PRR16: variants seen among roughly 807,000 people sequenced by gnomAD.
The protein encoded by PRR16 is protein Largen.
PRR16 carries 6 observed loss-of-function variants against 18.2 expected under a neutral mutation model. The ratio of observed to expected loss-of-function variants is 0.33; its 90% CI spans 0.18 to 0.65. PRR16 has a LOEUF of 0.65. Among genes scored for constraint, PRR16 ranks in the 30% least tolerant of loss-of-function variants. The probability of loss-of-function intolerance (pLI) is 0.74; values close to 1 mark genes in which losing one functional copy is unlikely to be tolerated. For synonymous variants in PRR16, 151 were observed against 147.8 expected, an observed-to-expected ratio of 1.02 and a Z score of -0.16; for missense variants, 412 against 376.6, an observed-to-expected ratio of 1.09 and a Z score of -0.78.
chr5:120,600,668 T>A (rs973321349), intron 1 of PRR16, among the ~76,000 whole-genome samples: 2 of 151,948 alleles, frequency 1.3e-5, no homozygotes, highest in African/African-American at 4.8e-5. Context: ...AATTATTTCA[T>A]CACCCGGATA....
intron 1 of PRR16, among the ~76,000 whole-genome samples, chr5:120,607,743 G>T (rs185085444): frequency 6.6e-6 from 1 of 152,168 alleles, no homozygotes; most frequent in Admixed American, 6.5e-5. Flanking sequence ...TGTGGTGGTG[G>T]TGCTTTTGTT....
chr5:120,707,318 A>G, the PRR16 span, among the ~76,000 whole-genome samples: 5 of 152,164 alleles, frequency 3.3e-5, no homozygotes, highest in South Asian at 2.1e-4. Flanking sequence ...AATATGTTCC[A>G]TAGCTTGTGA....
At chr5:120,634,232 A>G (rs1755153405) in intron 1 of PRR16, among the ~76,000 whole-genome samples, 4 of 152,232 alleles carry the variant, frequency 2.6e-5, no homozygotes, top group Admixed American at 2.6e-4. Context: ...GAACTGAACG[A>G]TAATAGTGAC....
chr5:120,703,846 C>T, the PRR16 span, among the ~76,000 whole-genome samples: 1 of 152,150 alleles, frequency 6.6e-6, no homozygotes, highest in African/African-American at 2.4e-5. Flanking sequence ...GAAAGTTATT[C>T]TGGATTTCTT....
chr5:120,662,579 G>C (rs2150139356), intron 1 of PRR16, among the ~76,000 whole-genome samples: 1 of 152,130 alleles, frequency 6.6e-6, no homozygotes, highest in South Asian at 2.1e-4. Context: ...TTTGCACTAT[G>C]TATTCCTTTC....
Position 120,581,508 on chromosome 5 carries a change from A to T in PRR16, c.160-104446A>T, listed in dbSNP as rs527919014. 9.2e-5 allele frequency among the ~76,000 whole-genome samples: 14 copies of T among 151,514 alleles called. No homozygotes were observed. In the Middle Eastern group the frequency reaches 0.01, roughly 110 times the overall value. On this transcript the variant is annotated intron_variant, in intron 1 of 1. Transcript: ENST00000407149. ...TGATTTTTTGGAGGTTTTTCCGTGA[A>T]TCTATCTCCTTCAATTCTTCTCTGA...
chr5:120,657,357 C>T (rs1391789365), intron 1 of PRR16, among the ~76,000 whole-genome samples: 1 of 151,822 alleles, frequency 6.6e-6, no homozygotes, highest in Non-Finnish European at 1.5e-5. Context: ...GTGCTTGAGC[C>T]AGCTCATAGG....
chr5:120,758,679 C>T, the PRR16 span, among the ~76,000 whole-genome samples: 5 of 152,118 alleles, frequency 3.3e-5, no homozygotes, highest in South Asian at 6.2e-4. Flanking sequence ...CCATGTAAGA[C>T]GTGCCTTGCT....
At chr5:120,580,429 T>C (rs1246403914) in intron 1 of PRR16, among the ~76,000 whole-genome samples, 4 of 150,736 alleles carry the variant, frequency 2.7e-5, no homozygotes, top group East Asian at 3.9e-4. Flanking sequence ...AATTGAGAGT[T>C]TTTAACATGA....
chr5:120,630,001 C>T (rs1386370297), intron 1 of PRR16, among the ~76,000 whole-genome samples: 1 of 151,868 alleles, frequency 6.6e-6, no homozygotes, highest in Non-Finnish European at 1.5e-5. Context: ...TTATGATGAT[C>T]CGAGATGTGT....
chr5:120,482,411 A>G (rs891080901), intron 1 of PRR16, among the ~76,000 whole-genome samples: 4 of 152,134 alleles, frequency 2.6e-5, no homozygotes, highest in Non-Finnish European at 4.4e-5. Context: ...TTAATTTGCT[A>G]AAGATTATGG....
intron 1 of PRR16, among the ~76,000 whole-genome samples, chr5:120,509,104 G>A (rs1044642617): frequency 1.3e-5 from 2 of 152,068 alleles, no homozygotes; most frequent in East Asian, 1.9e-4. Context: ...TGTGAATCTC[G>A]ATAGTGAATT....
chr5:120,738,761 G>C, the PRR16 span, among the ~76,000 whole-genome samples: 1 of 152,134 alleles, frequency 6.6e-6, no homozygotes, highest in African/African-American at 2.4e-5. Context: ...TGACTGATTT[G>C]TGCTGAGTGT....
At chr5:120,645,983 G>A (rs986347497) in intron 1 of PRR16, among the ~76,000 whole-genome samples, 1 of 147,358 alleles carries the variant, frequency 6.8e-6, no homozygotes, top group African/African-American at 2.5e-5. Flanking sequence ...CTGATCAATT[G>A]ATCAATGTTC....
At chr5:120,743,070 T>C in the PRR16 span, among the ~76,000 whole-genome samples, 1 of 152,348 alleles carries the variant, frequency 6.6e-6, no homozygotes, top group Admixed American at 6.5e-5. Flanking sequence ...CTGTTCTACC[T>C]ATTATCTTGT....
the PRR16 span, chr5:120,790,520 T>A: frequency 2.0e-5 from 3 of 152,240 alleles, no homozygotes; most frequent in Non-Finnish European, 4.4e-5. Flanking sequence ...AGGACGAATG[T>A]TGCTGTTTGC....
intron 1 of PRR16, among the ~76,000 whole-genome samples, chr5:120,486,132 C>T (rs1179910018): frequency 1.3e-5 from 2 of 152,122 alleles, no homozygotes; most frequent in Non-Finnish European, 2.9e-5. Context: ...GTCTTTATAG[C>T]AGCATGATTT....
chr5:120,566,821 T>C (rs1561549298), intron 1 of PRR16, among the ~76,000 whole-genome samples: 1 of 152,232 alleles, frequency 6.6e-6, no homozygotes. Context: ...TTATTGAAGC[T>C]ATTCTCTATG....
intron 1 of PRR16, chr5:120,481,361 G>T (rs146021055): frequency 8.6e-4 from 308 of 356,120 alleles, no homozygotes; most frequent in Middle Eastern, 3.9e-3. Context: ...GAACTCTTGA[G>T]CTCAGGTGAT....
Sources: allele counts gnomAD v4.1 joint callset (sites outside exome capture counted in the v4.1 genomes callset), GRCh38; gene constraint gnomAD v4.1.1; transcripts MANE v1.5; gene names NCBI Gene and HGNC (gene_info 2026-07-23, HGNC 2026-07-21).